The following RIN3 variants were observed in gnomAD, a reference collection of about 807,000 sequenced individuals.
RIN3 encodes the protein Ras and Rab interactor 3, also known as RAB5 interacting protein 3.
Under a neutral mutation model 76.3 loss-of-function variants are expected in RIN3, and 54 were observed. The observed-to-expected ratio is 0.71, with a 90% CI of 0.57 to 0.89. RIN3 has a LOEUF of 0.89. RIN3 is among the 40% of genes least tolerant of loss of function. The probability of loss-of-function intolerance (pLI) is 0.00; values close to 1 mark genes in which losing one functional copy is unlikely to be tolerated. For synonymous variants in RIN3, 576 were observed against 564.0 expected, an observed-to-expected ratio of 1.02 and a Z score of -0.30; for missense variants, 1,256 against 1,322.1, an observed-to-expected ratio of 0.95 and a Z score of 0.78.
At chr14:92,629,511 A>G (rs1474153363) in intron 4 of RIN3, among the ~76,000 whole-genome samples, 1 of 152,222 alleles carries the variant, frequency 6.6e-6, no homozygotes, top group East Asian at 1.9e-4. Flanking sequence ...AAGAGTATGA[A>G]GTAAAGATAC....
At chr14:92,662,484 T>A (rs1887926930) in intron 7 of RIN3, among the ~76,000 whole-genome samples, 1 of 152,242 alleles carries the variant, frequency 6.6e-6, no homozygotes, top group Non-Finnish European at 1.5e-5. Flanking sequence ...TCAGCCTCAG[T>A]TTCCTCTTGT....
rs147701467 is a variant in RIN3, at chr14:92,643,537, C to G, written c.532+2208C>G. The stretch of plus-strand genomic sequence containing the variant: ...ACAGGTGACAGTTTTGTAATTTGCA[C>G]TTTTGTAAGGTGCAGATGACCTCCC... On this transcript the variant is annotated intron_variant, in intron 5 of 9. Coordinates refer to ENST00000216487, the MANE Select transcript of RIN3 (RefSeq NM_024832.5). The surrounding 1 kb of genome is among the most constrained non-coding windows in gnomAD (Gnocchi z 4.8). Among the ~76,000 whole-genome samples the G allele has an allele frequency of 2.7e-3, 418 of 152,346 alleles. 9 individuals are homozygous for G. The South Asian group carries it at 0.039, about 14-fold the overall frequency.
intron 3 of RIN3, among the ~76,000 whole-genome samples, chr14:92,583,590 A>G (rs1033752145): frequency 1.3e-5 from 2 of 152,210 alleles, no homozygotes; most frequent in Non-Finnish European, 2.9e-5. Context: ...ACACAACAAT[A>G]AAAAATAATG....
intron 4 of RIN3, among the ~76,000 whole-genome samples, chr14:92,627,906 T>C (rs1886416069): frequency 6.6e-6 from 1 of 152,236 alleles, no homozygotes. Context: ...AGAAGGGCGC[T>C]TCCTGCATGC....
At chr14:92,541,204 C>A (rs1236679477) in intron 1 of RIN3, among the ~76,000 whole-genome samples, 1 of 152,232 alleles carries the variant, frequency 6.6e-6, no homozygotes, top group Non-Finnish European at 1.5e-5. Context: ...TGCCATGTTA[C>A]TACCCATCTC....
At chr14:92,647,071 A>G (rs1205840890) in intron 5 of RIN3, among the ~76,000 whole-genome samples, 1 of 152,154 alleles carries the variant, frequency 6.6e-6, no homozygotes, top group African/African-American at 2.4e-5. Flanking sequence ...CATCAGTTTT[A>G]TTTGTTTGGC....
intron 1 of RIN3, among the ~76,000 whole-genome samples, chr14:92,541,005 T>C (rs1897120464): frequency 6.6e-6 from 1 of 152,216 alleles, no homozygotes; most frequent in Non-Finnish European, 1.5e-5. Context: ...CTGCTGTCAG[T>C]CAACTGGGGT....
intron 2 of RIN3, among the ~76,000 whole-genome samples, chr14:92,561,505 A>G (rs1199349688): frequency 6.7e-6 from 1 of 148,544 alleles, no homozygotes; most frequent in Non-Finnish European, 1.5e-5. Context: ...TTTTTTTTTT[A>G]TTTTAGAATA....
At chr14:92,606,351 C>A (rs963940557) in intron 3 of RIN3, among the ~76,000 whole-genome samples, 8 of 151,926 alleles carry the variant, frequency 5.3e-5, no homozygotes, top group Non-Finnish European at 1.2e-4. Context: ...CCAGCCTGGG[C>A]AACATATTGA....
chr14:92,620,437 A>G (rs978585070), intron 4 of RIN3, among the ~76,000 whole-genome samples: 57 of 152,226 alleles, frequency 3.7e-4, no homozygotes, highest in African/African-American at 1.4e-3. Context: ...TAAAATCCAA[A>G]AAGTTTGTTT....
rs1434205791 is a variant in RIN3, at chr14:92,615,470, G to T, written c.431G>T (p.Cys144Phe). ...EDIFRLIAFY[C>F]VSRDLLPFTL... ...ATCTTCAGATTGATTGCGTTCTACTGTGTCAGTAGGTGAGTAGACCCGGCC... is the reference window on the plus strand; with the variant it reads ...ATCTTCAGATTGATTGCGTTCTACTTTGTCAGTAGGTGAGTAGACCCGGCC... Residue 144 changes from cysteine (C) to phenylalanine (F), a missense_variant, in exon 4 of 10, where the codon TGT becomes TTT. Cys to Phe is a radical substitution (Grantham distance 205). Coordinates refer to ENST00000216487, the MANE Select transcript of RIN3 (RefSeq NM_024832.5). The T allele has an allele frequency of 6.2e-7, 1 of 1,613,850 alleles. No individual in the cohort carries two copies. The highest frequency in any genetic ancestry group is 2.2e-5 in the East Asian group (1 of 44,868).
intron 1 of RIN3, among the ~76,000 whole-genome samples, chr14:92,546,528 G>A (rs368815168): frequency 2.6e-5 from 4 of 152,084 alleles, no homozygotes; most frequent in African/African-American, 9.7e-5. Context: ...CGCCTGTGGC[G>A]CCATTGGCTT....
intron 4 of RIN3, among the ~76,000 whole-genome samples, chr14:92,618,996 G>GT (rs1342447681): frequency 2.0e-5 from 3 of 151,996 alleles, no homozygotes; most frequent in Admixed American, 1.3e-4. Context: ...AAGAAAATTT[G>GT]TTTTTTGTGT....
At chr14:92,654,281 T>C (rs1386900771) in intron 6 of RIN3, among the ~76,000 whole-genome samples, 1 of 149,714 alleles carries the variant, frequency 6.7e-6, no homozygotes, top group Non-Finnish European at 1.5e-5. Context: ...GCCACTGCAC[T>C]CCAGCCTGGG....
intron 1 of RIN3, among the ~76,000 whole-genome samples, chr14:92,534,239 AT>A (rs34391787): frequency 0.041 from 5,145 of 126,556 alleles, 312 homozygotes; most frequent in African/African-American, 0.14. Context: ...GAGTCATGTC[AT>A]TTTTTTTTTT....
chr14:92,614,055 T>A (rs1043123378), intron 3 of RIN3, among the ~76,000 whole-genome samples: 2 of 152,212 alleles, frequency 1.3e-5, no homozygotes, highest in Non-Finnish European at 2.9e-5. Flanking sequence ...TGGTGCCGTG[T>A]TCTCCACTGG....
intron 1 of RIN3, among the ~76,000 whole-genome samples, chr14:92,530,460 T>C (rs1372595011): frequency 6.6e-6 from 1 of 152,236 alleles, no homozygotes. Flanking sequence ...CACTACTAAT[T>C]GCAGCGATTA....
intron 1 of RIN3, among the ~76,000 whole-genome samples, chr14:92,527,529 A>T (rs1351433719): frequency 1.3e-5 from 2 of 152,156 alleles, no homozygotes; most frequent in African/African-American, 2.4e-5. Context: ...AACAAACTGT[A>T]ATTTACACGG....
intron 3 of RIN3, among the ~76,000 whole-genome samples, chr14:92,590,225 T>C (rs1397856831): frequency 1.3e-5 from 2 of 152,208 alleles, no homozygotes; most frequent in African/African-American, 4.8e-5. Context: ...AAAAGGAACA[T>C]TTTGGAAATA....
Sources: gnomAD v4.1 joint callset for allele counts (sites outside exome capture counted in the v4.1 genomes callset) on GRCh38, gnomAD v4.1.1 for gene constraint, Gnocchi (gnomAD v3.1) non-coding constraint, MANE v1.5 for transcripts, NCBI Gene and HGNC (gene_info 2026-07-23, HGNC 2026-07-21) for gene names.